The following GMCL1 variants were observed in gnomAD, a reference collection of about 807,000 sequenced individuals.
GMCL1 encodes germ cell-less 1, spermatogenesis associated, also known as germ cell-less protein-like 1.
Under a neutral mutation model 75.5 loss-of-function variants are expected in GMCL1, and 54 were observed. That is an observed-to-expected ratio of 0.71 (90% CI 0.57 to 0.90). GMCL1 has a LOEUF of 0.90. GMCL1 is among the 40% of genes least tolerant of loss of function. The pLI is 0.00. For missense variants in GMCL1, 537 were observed against 622.7 expected, an observed-to-expected ratio of 0.86 and a Z score of 1.47; for synonymous variants, 210 against 209.6, an observed-to-expected ratio of 1.00 and a Z score of -0.02.
At chr2:69,853,937 G>C (rs1442122601) in intron 8 of GMCL1, among the ~76,000 whole-genome samples, 1 of 151,786 alleles carries the variant, frequency 6.6e-6, no homozygotes, top group Non-Finnish European at 1.5e-5. Context: ...AGTTAGCTGG[G>C]TTTACAGATG....
Position 69,829,979 on chromosome 2 carries a change from C to T in GMCL1, c.87C>T (p.Ala29=), listed in dbSNP as rs1573334278. 6.3e-7 allele frequency: 1 copy of T among 1,581,722 alleles called. No individual in the cohort carries two copies. Among genetic ancestry groups the T allele is most frequent in the Non-Finnish European group, 8.6e-7 (1 of 1,163,692 alleles). The change falls in exon 1 of 14, where the codon GCC becomes GCT. Residue 29 remains alanine, a synonymous_variant. Coordinates refer to ENST00000282570, the MANE Select transcript of GMCL1 (RefSeq NM_178439.5). ...AGGGTGCCAGGGCGGGGGGCTCGGCCCGGAGGCCGGACACTGGAGACGATG... is the reference window on the plus strand; with the variant it reads ...AGGGTGCCAGGGCGGGGGGCTCGGCTCGGAGGCCGGACACTGGAGACGATG... ...QAQGARAGGS[A]RRPDTGDDAA... is the part of the protein sequence containing the mutation.
intron 13 of GMCL1, among the ~76,000 whole-genome samples, chr2:69,878,318 T>C (rs1676182412): frequency 6.6e-6 from 1 of 152,198 alleles, no homozygotes; most frequent in Non-Finnish European, 1.5e-5. Context: ...GGTGATTTGC[T>C]GTACCCAACG....
At chr2:69,833,962 A>G (rs1674747010) in intron 1 of GMCL1, among the ~76,000 whole-genome samples, 2 of 152,238 alleles carry the variant, frequency 1.3e-5, no homozygotes, top group South Asian at 2.1e-4. Flanking sequence ...TATAAATCAT[A>G]CTTGATGGGT....
chr2:69,832,157 T>C (rs556879747), intron 1 of GMCL1, among the ~76,000 whole-genome samples: 4 of 151,852 alleles, frequency 2.6e-5, no homozygotes, highest in African/African-American at 4.8e-5. Flanking sequence ...GGAGGCGAGG[T>C]TGCAGTGAGC....
intron 8 of GMCL1, among the ~76,000 whole-genome samples, chr2:69,852,322 C>T (rs1228548207): frequency 6.6e-6 from 1 of 152,210 alleles, no homozygotes; most frequent in Admixed American, 6.5e-5. Context: ...CTCTCCCTCC[C>T]AGCCCCTGAG....
chr2:69,868,084 C>A (rs1276128864), intron 11 of GMCL1, among the ~76,000 whole-genome samples: 1 of 152,196 alleles, frequency 6.6e-6, no homozygotes, highest in Non-Finnish European at 1.5e-5. Flanking sequence ...GTACTGGACT[C>A]TATCCATGCT....
chr2:69,859,139 TG>T (rs1157333903), intron 9 of GMCL1, among the ~76,000 whole-genome samples: 1 of 129,538 alleles, frequency 7.7e-6, no homozygotes, highest in Non-Finnish European at 1.5e-5. Context: ...AGCAAGACTC[TG>T]TCTCAAAAAA....
In GMCL1 at chr2:69,843,280, T is replaced by G; in HGVS notation, c.692+19T>G. ...AGAAAAAGTGAGTTGCCTTTCTTGT[T>G]TTTCTTCCTATCCCACTTTTAGGAA... On this transcript the variant is annotated intron_variant, in intron 5 of 13. Coordinates refer to ENST00000282570, the MANE Select transcript of GMCL1 (RefSeq NM_178439.5). 5.3e-6 allele frequency: 7 copies of G among 1,330,980 alleles called. No homozygotes were observed. Among genetic ancestry groups the G allele is most frequent in the Non-Finnish European group, 7.6e-6 (7 of 922,862 alleles). 82.4% of individuals were successfully genotyped at this position (1,330,980 alleles called of 1,614,324 possible).
intron 8 of GMCL1, among the ~76,000 whole-genome samples, 198 bp from the exon 9 acceptor site, chr2:69,854,625 T>G (rs1282709559): frequency 2.0e-5 from 3 of 152,160 alleles, no homozygotes; most frequent in Non-Finnish European, 4.4e-5. Flanking sequence ...AAGACCAAAG[T>G]TAATTTCCTG....
intron 7 of GMCL1, among the ~76,000 whole-genome samples, chr2:69,848,784 C>T (rs1675226248): frequency 6.6e-6 from 1 of 152,094 alleles, no homozygotes; most frequent in South Asian, 2.1e-4. Context: ...ATTTTAATGT[C>T]CTATGAGGTA....
chr2:69,836,608 A>C (rs548550987), intron 1 of GMCL1, among the ~76,000 whole-genome samples: 2 of 152,334 alleles, frequency 1.3e-5, no homozygotes, highest in South Asian at 4.1e-4. Context: ...ATGTCATCTG[A>C]AACAATTACT....
intron 9 of GMCL1, among the ~76,000 whole-genome samples, chr2:69,855,326 A>G (rs965966642): frequency 6.6e-6 from 1 of 151,838 alleles, no homozygotes; most frequent in African/African-American, 2.4e-5. Flanking sequence ...AAATTTGTTT[A>G]TTTTGATTTT....
intron 10 of GMCL1, among the ~76,000 whole-genome samples, chr2:69,863,551 A>G (rs901138966): frequency 3.8e-4 from 58 of 152,242 alleles, no homozygotes; most frequent in Non-Finnish European, 1.6e-4. Flanking sequence ...GGGATATTTG[A>G]TGACAGTTAA....
chr2:69,831,220 C>T (rs1210969669), intron 1 of GMCL1, among the ~76,000 whole-genome samples: 24 of 152,148 alleles, frequency 1.6e-4, no homozygotes. Flanking sequence ...CGCACCCGGC[C>T]TAAAATTAAA....
At chr2:69,868,270 C>A (rs948334887) in intron 11 of GMCL1, among the ~76,000 whole-genome samples, 2 of 152,050 alleles carry the variant, frequency 1.3e-5, no homozygotes, top group African/African-American at 4.8e-5. Flanking sequence ...ACAGTTATCA[C>A]CTCTACTAGG....
At chr2:69,875,749 C>T (rs923519213) in intron 13 of GMCL1, among the ~76,000 whole-genome samples, 13 of 151,206 alleles carry the variant, frequency 8.6e-5, no homozygotes, top group African/African-American at 2.7e-4. Context: ...GGCTGGAATG[C>T]AGTGGCGTGA....
intron 12 of GMCL1, among the ~76,000 whole-genome samples, chr2:69,870,663 TTAAAA>T (rs1227236808): frequency 3.9e-5 from 6 of 152,166 alleles, no homozygotes; most frequent in Admixed American, 3.3e-4. Flanking sequence ...ACTCTATAAT[TTAAAA>T]AGAAAACTCA....
chr2:69,862,620 G>C (rs577645256), intron 10 of GMCL1, among the ~76,000 whole-genome samples: 1 of 152,098 alleles, frequency 6.6e-6, no homozygotes, highest in African/African-American at 2.4e-5. Flanking sequence ...TTAGCTGGGT[G>C]TGGTAGCGCA....
chr2:69,829,877 C>T lies in GMCL1; in HGVS notation c.-16C>T, dbSNP rs1380003026. On this transcript the variant is annotated 5_prime_UTR_variant, in exon 1 of 14. Coordinates refer to ENST00000282570, the MANE Select transcript of GMCL1 (RefSeq NM_178439.5). The stretch of plus-strand genomic sequence containing the variant: ...CCCTTCTCTGGGCTCCCTGAAGTCT[C>T]GGGGAGCCGTGACCCATGGGATCGT... 3 of 1,566,554 alleles carry T rather than the reference C, an allele frequency of 1.9e-6. No homozygotes were observed.
Sources: allele counts gnomAD v4.1 joint callset (sites outside exome capture counted in the v4.1 genomes callset), GRCh38; gene constraint gnomAD v4.1.1; transcripts MANE v1.5; gene names NCBI Gene and HGNC (gene_info 2026-07-23, HGNC 2026-07-21).